The following TSBP1 variants were observed in gnomAD, a reference collection of about 807,000 sequenced individuals.
The protein encoded by TSBP1 is testis expressed basic protein 1.
A neutral mutation model predicts 68.8 loss-of-function variants in TSBP1; 56 were observed. The ratio of observed to expected loss-of-function variants is 0.81; its 90% CI spans 0.66 to 1.02. The LOEUF (loss-of-function observed/expected upper bound fraction) is 1.02. Ranked by LOEUF, TSBP1 falls within the 50% of genes least tolerant of loss-of-function variation. TSBP1 has a pLI of 0.00. For synonymous variants in TSBP1, 171 were observed against 208.7 expected (o/e 0.82, Z 1.56); for missense variants, 502 against 641.2 (o/e 0.78, Z 2.34).
chr6:32,322,321 A>G (rs1375808295), intron 18 of TSBP1, among the ~76,000 whole-genome samples, 165 bp downstream of exon 20: 1 of 152,228 alleles, frequency 6.6e-6, no homozygotes, highest in Non-Finnish European at 1.5e-5. Context: ...AATAATGGGA[A>G]ATACTACAGT....
At chr6:32,326,013 C>A (rs2127592697) in intron 16 of TSBP1, 1 of 1,535,682 alleles carries the variant, frequency 6.5e-7, no homozygotes, top group Non-Finnish European at 8.9e-7. Context: ...TTGGCAATTA[C>A]AACAATCAGT....
chr6:32,355,044 TAAAAG>T, intron 8 of TSBP1, 75 bp downstream of exon 8: 17 of 1,281,112 alleles, frequency 1.3e-5, no homozygotes, highest in Non-Finnish European at 1.9e-5. Flanking sequence ...AAAACTTTCT[TAAAAG>T]AGAAAAAATA....
At chr6:32,330,854 A>G (rs1651973509) in intron 15 of TSBP1, among the ~76,000 whole-genome samples, 1 of 152,038 alleles carries the variant, frequency 6.6e-6, no homozygotes, top group African/African-American at 2.4e-5. Flanking sequence ...TATTTTTAGT[A>G]GAGATGGGGT....
At chr6:32,364,664 A>G (rs1475751726) in intron 6 of TSBP1, among the ~76,000 whole-genome samples, 1 of 151,578 alleles carries the variant, frequency 6.6e-6, no homozygotes, top group Non-Finnish European at 1.5e-5. Context: ...GTTGTCTTGT[A>G]GCTCACTGAG....
chr6:32,313,140 C>T (rs544992818), intron 19 of TSBP1, among the ~76,000 whole-genome samples: 9 of 152,162 alleles, frequency 5.9e-5, no homozygotes, highest in African/African-American at 1.9e-4. Flanking sequence ...TTTGCACCTC[C>T]ATAGCAGGCC....
At position 32,347,444 on chromosome 6, in the gene TSBP1, T is replaced by C. The variant is rs1325905789; in HGVS notation, c.349+2296A>G. On this transcript the variant is annotated intron_variant, in intron 9 of 22. Coordinates refer to ENST00000612031, the Ensembl canonical transcript of TSBP1. ...ACCCATATACATGCCTGAATGTAGGTAAATGTCATTTTTGCTCCCCATTGC... is the reference window on the plus strand; with the variant it reads ...ACCCATATACATGCCTGAATGTAGGCAAATGTCATTTTTGCTCCCCATTGC... Among the ~76,000 whole-genome samples, 5 of 152,216 alleles carry C rather than the reference T, an allele frequency of 3.3e-5. No individual in the cohort carries two copies. The East Asian group carries it at 9.6e-4, about 29-fold the overall frequency.
exon 2 of TSBP1, chr6:32,369,948 G>A (rs138738240): frequency 1.2e-6 from 2 of 1,612,272 alleles, no homozygotes; most frequent in African/African-American, 2.7e-5. Context: ...AGGATGGCAA[G>A]TCCCAGTAGA....
At chr6:32,323,343 GGTAAT>G (rs1767850827) in intron 17 of TSBP1, 2 of 681,040 alleles carry the variant, frequency 2.9e-6, no homozygotes, top group East Asian at 5.4e-5. Flanking sequence ...GATTAAATGA[GGTAAT>G]GTAATTAAAG....
At chr6:32,307,777 G>GTTTTTT (rs746149474) in intron 19 of TSBP1, among the ~76,000 whole-genome samples, 1 of 142,218 alleles carries the variant, frequency 7.0e-6, no homozygotes, top group Non-Finnish European at 1.5e-5. Context: ...TTAATTGCCT[G>GTTTTTT]GTTTTTTTTT....
At chr6:32,319,740 A>G (rs1244191584) in intron 18 of TSBP1, among the ~76,000 whole-genome samples, 15 of 151,950 alleles carry the variant, frequency 9.9e-5, no homozygotes, top group Non-Finnish European at 2.1e-4. Context: ...TCTGCCTGAC[A>G]TTTAGTATAT....
chr6:32,320,448 G>T (rs779867320), intron 18 of TSBP1, among the ~76,000 whole-genome samples: 1 of 151,936 alleles, frequency 6.6e-6, no homozygotes, highest in Non-Finnish European at 1.5e-5. Flanking sequence ...TCAGTTTTCC[G>T]CATGTTGTAT....
At chr6:32,356,205 A>G (rs1216502115) in intron 6 of TSBP1, among the ~76,000 whole-genome samples, 1 of 152,230 alleles carries the variant, frequency 6.6e-6, no homozygotes, top group African/African-American at 2.4e-5. Flanking sequence ...AGTAATATTG[A>G]TACTTTGTAG....
chr6:32,301,789 C>T (rs552517520), intron 20 of TSBP1, among the ~76,000 whole-genome samples: 64 of 144,650 alleles, frequency 4.4e-4, no homozygotes, highest in Admixed American at 2.8e-3. Flanking sequence ...ACCAGAGATA[C>T]ATATGTGGAG....
At chr6:32,326,391 T>C (rs548044337) in intron 16 of TSBP1, among the ~76,000 whole-genome samples, 1 of 152,366 alleles carries the variant, frequency 6.6e-6, no homozygotes, top group South Asian at 2.1e-4. Flanking sequence ...TAGTTTCTGT[T>C]CTGTGGAAAG....
chr6:32,369,611 C>T (rs1365791358), intron 2 of TSBP1, among the ~76,000 whole-genome samples: 5 of 152,082 alleles, frequency 3.3e-5, no homozygotes, highest in East Asian at 1.9e-4. Context: ...CCTTGTGATC[C>T]GCCCGCCTTG....
intron 6 of TSBP1, among the ~76,000 whole-genome samples, chr6:32,362,875 A>C (rs1010598881): frequency 6.6e-6 from 1 of 152,308 alleles, no homozygotes; most frequent in East Asian, 1.9e-4. Flanking sequence ...CGGTTTTCCC[A>C]ATAACATTTA....
rs945169815 is a variant in TSBP1, at chr6:32,357,152, G to C, written c.218-1483C>G. Reference sequence around the variant, plus strand: ...CTGAGATTTATAGGTTATGTTAGGGGGACTGGAAAGTCAGAGAAATAGTCA... The same window carrying C: ...CTGAGATTTATAGGTTATGTTAGGGCGACTGGAAAGTCAGAGAAATAGTCA... On this transcript the variant is annotated intron_variant, in intron 6 of 22. Coordinates refer to ENST00000612031, the Ensembl canonical transcript of TSBP1. The surrounding 1 kb of genome is among the most constrained non-coding windows in gnomAD (Gnocchi z 4.7). Among the ~76,000 whole-genome samples the C allele has an allele frequency of 6.6e-6, 1 of 152,060 alleles. No individual in the cohort carries two copies. The highest frequency in any genetic ancestry group is 1.5e-5 in the Non-Finnish European group (1 of 68,012).
At chr6:32,310,761 A>ATATATATATATTTTTTTTTTTTTTTTTTT in intron 19 of TSBP1, among the ~76,000 whole-genome samples, 3 of 144,802 alleles carry the variant, frequency 2.1e-5, no homozygotes, top group Non-Finnish European at 1.5e-5. Flanking sequence ...ATATATATAT[A>ATATATATATATTTTTTTTTTTTTTTTTTT]TTTTTAATCT....
chr6:32,335,302 A>C lies in TSBP1; in HGVS notation c.472+135T>G. On this transcript the variant is annotated intron_variant, in intron 14 of 22. Coordinates refer to ENST00000612031, the Ensembl canonical transcript of TSBP1. The surrounding 1 kb of genome is among the most constrained non-coding windows in gnomAD (Gnocchi z 5.5). ...CAGAACCTGGATGAGTCCAATCTGG[A>C]GTACTGGGTGAGATTATGAGGTGGC... 1 of 679,892 alleles carries C rather than the reference A, an allele frequency of 1.5e-6. No homozygotes were observed. The highest frequency in any genetic ancestry group is 2.2e-6 in the Non-Finnish European group (1 of 452,926). The allele number at this position is 679,892 out of a possible 1,614,324, so 42.1% of individuals were successfully genotyped here.
Sources: gnomAD v4.1 joint callset for allele counts (sites outside exome capture counted in the v4.1 genomes callset) on GRCh38, gnomAD v4.1.1 for gene constraint, Gnocchi (gnomAD v3.1) non-coding constraint, MANE v1.5 for transcripts, NCBI Gene and HGNC (gene_info 2026-07-23, HGNC 2026-07-21) for gene names.